The following PRSS3 variants were observed in gnomAD, a reference collection of about 807,000 sequenced individuals.
PRSS3 encodes serine protease 3.
Under a neutral mutation model 20.8 loss-of-function variants are expected in PRSS3, and 14 were observed. The ratio of observed to expected loss-of-function variants is 0.67; its 90% CI spans 0.44 to 1.05. PRSS3 has a LOEUF of 1.05. PRSS3 is among the 50% of genes least tolerant of loss of function. The pLI, the probability that PRSS3 is intolerant of heterozygous loss-of-function variation, is 0.00. For synonymous variants in PRSS3, 91 were observed against 117.6 expected (o/e 0.77, Z 1.46); for missense variants, 237 against 306.4 (o/e 0.77, Z 1.69).
rs561105247 is a variant in PRSS3, at chr9:33,776,859, G to T, written c.-52-17887G>T. ...TACAAAATGTGTGCAATTGGAGTAAGAGTGAAAGAAGAGGAGATATAAATA... is the reference window on the plus strand; with the variant it reads ...TACAAAATGTGTGCAATTGGAGTAATAGTGAAAGAAGAGGAGATATAAATA... On this transcript the variant is annotated intron_variant, in intron 1 of 5. Coordinates refer to the PRSS3 transcript ENST00000342836. Among the ~76,000 whole-genome samples the T allele has an allele frequency of 7.2e-5, 11 of 152,200 alleles. No individual in the cohort carries two copies. In the East Asian group the frequency reaches 1.9e-3, roughly 27 times the overall value.
chr9:33,756,853 C>T (rs2118756156), intron 1 of PRSS3, among the ~76,000 whole-genome samples: 1 of 152,306 alleles, frequency 6.6e-6, no homozygotes, highest in South Asian at 2.1e-4. Context: ...TTCAAAGTGA[C>T]TTTTAATGTT....
intron 1 of PRSS3, among the ~76,000 whole-genome samples, chr9:33,754,611 C>T (rs998920567): frequency 7.9e-5 from 12 of 151,740 alleles, no homozygotes; most frequent in African/African-American, 2.9e-4. Context: ...GGGTGGATCA[C>T]CTGAGGTCAG....
chr9:33,779,297 G>C (rs1824075708), intron 1 of PRSS3, among the ~76,000 whole-genome samples: 1 of 152,214 alleles, frequency 6.6e-6, no homozygotes. Flanking sequence ...GAAGCTCATT[G>C]AGATTCAGAA....
At chr9:33,777,552 A>AT (rs1347484447) in intron 1 of PRSS3, among the ~76,000 whole-genome samples, 1 of 149,628 alleles carries the variant, frequency 6.7e-6, no homozygotes, top group Non-Finnish European at 1.5e-5. Context: ...AAAAAAAAAA[A>AT]ATTAGCCGGG....
At chr9:33,763,933 G>A (rs576977174) in intron 1 of PRSS3, among the ~76,000 whole-genome samples, 2 of 152,254 alleles carry the variant, frequency 1.3e-5, no homozygotes, top group South Asian at 2.1e-4. Context: ...TCCAGGCTGA[G>A]TAAGAATCTT....
Position 33,750,769 on chromosome 9 carries a change from G to C in PRSS3, c.-53+42G>C, listed in dbSNP as rs1451147334. On this transcript the variant is annotated intron_variant, in intron 1 of 5. Coordinates refer to the PRSS3 transcript ENST00000342836. The surrounding 1 kb of genome is among the most constrained non-coding windows in gnomAD (Gnocchi z 4.8). ...CGCAGGGGGCTTGAAACTGGAGGAG[G>C]GCTCGAAGGGAGAGGGAGCCCCGCC... 1.4e-6 allele frequency: 2 copies of C among 1,416,036 alleles called. No individual in the cohort carries two copies. Among genetic ancestry groups the C allele is most frequent in the South Asian group, 1.5e-5 (1 of 66,490 alleles). 87.7% of individuals were successfully genotyped at this position (1,416,036 alleles called of 1,614,324 possible).
chr9:33,779,867 TAAAAAAAAAAA>T (rs35501160), intron 1 of PRSS3, among the ~76,000 whole-genome samples: 2 of 31,822 alleles, frequency 6.3e-5, no homozygotes, highest in Non-Finnish European at 9.8e-5. Flanking sequence ...AGACTCTGTC[TAAAAAAAAAAA>T]AAAAAAAAAA....
At chr9:33,789,940 AGT>A (rs1824560003) in intron 1 of PRSS3, among the ~76,000 whole-genome samples, 1 of 152,226 alleles carries the variant, frequency 6.6e-6, no homozygotes. Context: ...TAAGAATAAT[AGT>A]GAGTTTTTAA....
Position 33,789,470 on chromosome 9 carries a change from C to A in PRSS3, c.-52-5276C>A, listed in dbSNP as rs141493808. ...AGCCAAGACCAAGATAAATAATATT[C>A]TTTGTTAACTGTTTCTAGGATTAGT... is the stretch of plus-strand genomic sequence containing the variant. On this transcript the variant is annotated intron_variant, in intron 1 of 5. Coordinates refer to the PRSS3 transcript ENST00000342836. Among the ~76,000 whole-genome samples the A allele has an allele frequency of 8.5e-5, 13 of 152,224 alleles. No individual in the cohort carries two copies. The East Asian group carries it at 2.3e-3, about 27-fold the overall frequency.
chr9:33,778,098 A>G (rs1474158544), intron 1 of PRSS3, among the ~76,000 whole-genome samples: 1 of 152,150 alleles, frequency 6.6e-6, no homozygotes, highest in East Asian at 1.9e-4. Flanking sequence ...TAAAAAATCT[A>G]TTTGATTATA....
At position 33,797,947 on chromosome 9, in the gene PRSS3, G is replaced by T. The variant is rs201197340; in HGVS notation, c.319G>T (p.Asp107Tyr). The T allele has an allele frequency of 4.3e-6, 7 of 1,614,154 alleles. No individual in the cohort carries two copies. The South Asian group carries it at 7.7e-5, about 18-fold the overall frequency. Residue 107 changes from aspartate (D) to tyrosine (Y), a missense_variant, in exon 3 of 5, where the codon GAC becomes TAC. Coordinates refer to ENST00000379405, the MANE Select transcript of PRSS3 (RefSeq NM_002771.4). ...PKYNRDTLDNDIMLIKLSSPA... is the reference protein window; with the variant it reads ...PKYNRDTLDNYIMLIKLSSPA... ...ATACAACAGGGACACTCTGGACAAT[G>T]ACATCATGCTGATCAAACTCTCCTC...
At chr9:33,754,313 G>T (rs1563954726) in intron 1 of PRSS3, among the ~76,000 whole-genome samples, 2 of 151,610 alleles carry the variant, frequency 1.3e-5, no homozygotes, top group Non-Finnish European at 2.9e-5. Context: ...CTTGTGATCT[G>T]CCCCCCTCGG....
intron 1 of PRSS3, among the ~76,000 whole-genome samples, chr9:33,778,738 G>A (rs34164438): frequency 0.061 from 9,304 of 152,242 alleles, 395 homozygotes; most frequent in Non-Finnish European, 0.083. Context: ...GGAGTCCCCT[G>A]CAGCCTGGAA....
intron 1 of PRSS3, among the ~76,000 whole-genome samples, chr9:33,775,057 TAAAAA>T (rs1268310276): frequency 9.2e-6 from 1 of 108,366 alleles, no homozygotes; most frequent in African/African-American, 3.1e-5. Flanking sequence ...TTTCTTTCTG[TAAAAA>T]AAAAAAAAAA....
chr9:33,791,927 G>T (rs550934921), upstream of PRSS3, among the ~76,000 whole-genome samples: 144 of 152,228 alleles, frequency 9.5e-4, 1 homozygote, highest in African/African-American at 3.2e-3. Context: ...CAGGCAGAAG[G>T]AGGGGCAAGG....
At chr9:33,796,865 G>A (rs889959686) in intron 2 of PRSS3, 63 bp downstream of exon 2, 1 of 1,613,328 alleles carries the variant, frequency 6.2e-7, no homozygotes, top group Non-Finnish European at 8.5e-7. Context: ...CTTGGCTTCA[G>A]CCCAGGGAAG....
intron 1 of PRSS3, among the ~76,000 whole-genome samples, chr9:33,755,607 A>G (rs1822904058): frequency 6.6e-6 from 1 of 152,084 alleles, no homozygotes; most frequent in Non-Finnish European, 1.5e-5. Flanking sequence ...TGGTGTGTAT[A>G]TTATTCCCAA....
At chr9:33,769,769 G>T (rs1823600962) in intron 1 of PRSS3, among the ~76,000 whole-genome samples, 1 of 152,216 alleles carries the variant, frequency 6.6e-6, no homozygotes, top group African/African-American at 2.4e-5. Context: ...CAAGGGGTGG[G>T]GCCACCATTT....
intron 4 of PRSS3, 44 bp downstream of exon 4, chr9:33,798,666 G>A (rs1323124996): frequency 1.2e-6 from 2 of 1,613,386 alleles, no homozygotes; most frequent in Non-Finnish European, 1.7e-6. Context: ...CCGATACCCA[G>A]GCCCCACCGG....
Sources: allele counts gnomAD v4.1 joint callset (sites outside exome capture counted in the v4.1 genomes callset), GRCh38; gene constraint gnomAD v4.1.1; non-coding constraint Gnocchi (gnomAD v3.1); transcripts MANE v1.5; gene names NCBI Gene and HGNC (gene_info 2026-07-23, HGNC 2026-07-21).